ABTB2: variants seen among roughly 807,000 people sequenced by gnomAD.
ABTB2 encodes ankyrin repeat and BTB domain containing 2.
Under a neutral mutation model 104.1 loss-of-function variants are expected in ABTB2, and 56 were observed. The ratio of observed to expected loss-of-function variants is 0.54; its 90% confidence interval spans 0.43 to 0.67. The LOEUF (loss-of-function observed/expected upper bound fraction) is 0.67. ABTB2 is among the 30% of genes least tolerant of loss of function. The pLI is 0.00. For synonymous variants in ABTB2, 606 were observed against 608.2 expected (o/e 1.00, Z 0.05); for missense variants, 1,279 against 1,407.7 (o/e 0.91, Z 1.46).
chr11:34,161,121 G>A, intron 10 of ABTB2, 40 bp from the exon 11 acceptor site: 1 of 1,553,942 alleles, frequency 6.4e-7, no homozygotes, highest in Non-Finnish European at 8.7e-7. Context: ...ACGCACCACA[G>A]CTGAGCGCTC....
chr11:34,159,270 AGAG>A, intron 14 of ABTB2, 23 bp downstream of exon 14: 1 of 1,585,790 alleles, frequency 6.3e-7, no homozygotes, highest in Non-Finnish European at 8.6e-7. Flanking sequence ...CCCTCTGAGA[AGAG>A]GGCGGCACCA....
intron 1 of ABTB2, among the ~76,000 whole-genome samples, chr11:34,325,449 C>T (rs1855058530): frequency 6.6e-6 from 1 of 152,182 alleles, no homozygotes; most frequent in South Asian, 2.1e-4. Flanking sequence ...GCTCTCCGTT[C>T]CCTAGTTTCC....
At chr11:34,324,617 A>G (rs1326439204) in intron 1 of ABTB2, among the ~76,000 whole-genome samples, 2 of 152,190 alleles carry the variant, frequency 1.3e-5, no homozygotes, top group African/African-American at 4.8e-5. Flanking sequence ...TTGGTCAGTA[A>G]TGCTGCCAGA....
intron 1 of ABTB2, among the ~76,000 whole-genome samples, chr11:34,307,943 G>A (rs576129500): frequency 2.6e-5 from 4 of 152,312 alleles, no homozygotes; most frequent in Non-Finnish European, 5.9e-5. Flanking sequence ...GTGACTGCCT[G>A]CCTTGGCCTC....
intron 1 of ABTB2, among the ~76,000 whole-genome samples, chr11:34,239,444 C>T (rs1853886860): frequency 6.6e-6 from 1 of 152,062 alleles, no homozygotes; most frequent in South Asian, 2.1e-4. Flanking sequence ...AATCCTCCTA[C>T]CTCAGCCTCC....
chr11:34,304,563 G>A (rs1564928293), intron 1 of ABTB2, among the ~76,000 whole-genome samples: 1 of 152,184 alleles, frequency 6.6e-6, no homozygotes, highest in Non-Finnish European at 1.5e-5. Context: ...GCTCACGCCT[G>A]TAATCCAACA....
chr11:34,176,190 G>A (rs1034330310), intron 3 of ABTB2, among the ~76,000 whole-genome samples: 2 of 139,524 alleles, frequency 1.4e-5, no homozygotes, highest in Admixed American at 7.9e-5. Flanking sequence ...TGAGGCATAA[G>A]TATCGCTTAA....
chr11:34,343,365 G>T (rs1855286453), intron 1 of ABTB2, among the ~76,000 whole-genome samples: 1 of 152,140 alleles, frequency 6.6e-6, no homozygotes, highest in Non-Finnish European at 1.5e-5. Context: ...TACATACCAG[G>T]CTCTCCCAGG....
intron 1 of ABTB2, among the ~76,000 whole-genome samples, chr11:34,339,840 G>A (rs1003471840): frequency 8.6e-5 from 13 of 152,040 alleles, no homozygotes; most frequent in African/African-American, 3.1e-4. Flanking sequence ...ATAAATACAT[G>A]AGCACTTCAC....
Position 34,295,155 on chromosome 11 carries a change from G to A in ABTB2, c.883+61546C>T, listed in dbSNP as rs140610758. Among the ~76,000 whole-genome samples, 87 of 152,088 alleles carry A rather than the reference G, an allele frequency of 5.7e-4. No individual in the cohort carries two copies. The Middle Eastern group carries it at 0.014, about 24-fold the overall frequency. On this transcript the variant is annotated intron_variant, in intron 1 of 16. Transcript: ENST00000435224. ...ATTATGATTGCATCACTGCACTTTC[G>A]TCTGGGCAACAGAGCAAGATCCTAT... is the stretch of plus-strand genomic sequence containing the variant.
At chr11:34,236,785 G>A (rs990802328) in intron 1 of ABTB2, among the ~76,000 whole-genome samples, 4 of 152,154 alleles carry the variant, frequency 2.6e-5, no homozygotes, top group South Asian at 2.1e-4. Context: ...AAAGCTGCTC[G>A]CTCCTAGATA....
chr11:34,290,801 A>G (rs537190627), intron 1 of ABTB2, among the ~76,000 whole-genome samples: 2 of 152,376 alleles, frequency 1.3e-5, no homozygotes, highest in Non-Finnish European at 2.9e-5. Flanking sequence ...ACACGGATGG[A>G]TAAGTGTCTC....
chr11:34,249,687 G>A (rs993779585), intron 1 of ABTB2, among the ~76,000 whole-genome samples: 10 of 152,274 alleles, frequency 6.6e-5, no homozygotes, highest in Admixed American at 3.3e-4. Flanking sequence ...CTCTGTTGCC[G>A]AGGCTGGAGT....
rs1490197359 is a variant in ABTB2 at position 34,155,581 on chromosome 11, AAC to A, written c.2698-814_2698-813del. Among the ~76,000 whole-genome samples, 10 of 152,368 alleles carry A rather than the reference AAC, an allele frequency of 6.6e-5. No homozygotes were observed. The South Asian group carries it at 8.3e-4, about 13-fold the overall frequency. On this transcript the variant is annotated intron_variant, in intron 14 of 16. Transcript: ENST00000435224. ...CAAGGAGCTGGCAAGTGTGTAAGTA[AAC>A]ACAGCTCCAGCCGGCACAGTCGGGC... is the stretch of plus-strand genomic sequence containing the variant.
At chr11:34,167,381 T>G (rs1486924066) in intron 6 of ABTB2, 21 bp from the exon 7 acceptor site, 1 of 1,601,934 alleles carries the variant, frequency 6.2e-7, no homozygotes. Flanking sequence ...CCACAAATCA[T>G]CTGTGTTTTC....
At chr11:34,160,557 A>G (rs1255851551) in intron 11 of ABTB2, among the ~76,000 whole-genome samples, 4 of 149,970 alleles carry the variant, frequency 2.7e-5, no homozygotes, top group Admixed American at 2.6e-4. Flanking sequence ...GTTCCAGCCC[A>G]TGGCCCCTGC....
intron 3 of ABTB2, 79 bp downstream of exon 3, chr11:34,197,246 T>C: frequency 6.8e-7 from 1 of 1,481,038 alleles, no homozygotes; most frequent in Non-Finnish European, 9.4e-7. Flanking sequence ...TGGTCAGTCG[T>C]CAGTCAGTGT....
At chr11:34,231,551 G>A (rs1202122825) in intron 1 of ABTB2, among the ~76,000 whole-genome samples, 2 of 152,162 alleles carry the variant, frequency 1.3e-5, no homozygotes, top group South Asian at 4.2e-4. Flanking sequence ...AAGTCATGTT[G>A]ATAGTGTGTA....
At chr11:34,171,571 C>CTCAA (rs778520481) in intron 4 of ABTB2, among the ~76,000 whole-genome samples, 2 of 152,244 alleles carry the variant, frequency 1.3e-5, no homozygotes, top group South Asian at 2.1e-4. Context: ...AAGACTCTGT[C>CTCAA]TCAATCAATC....
Sources: allele counts gnomAD v4.1 joint callset (sites outside exome capture counted in the v4.1 genomes callset), GRCh38; gene constraint gnomAD v4.1.1; transcripts MANE v1.5; gene names NCBI Gene and HGNC (gene_info 2026-07-23, HGNC 2026-07-21).